KCNH1: variants seen among roughly 807,000 people sequenced by gnomAD.
KCNH1 encodes voltage-gated delayed rectifier potassium channel KCNH1.
In KCNH1, 27 loss-of-function variants were observed where a neutral mutation model predicts 69.2. The ratio of observed to expected loss-of-function variants is 0.39; its 90% CI spans 0.29 to 0.54. The LOEUF (loss-of-function observed/expected upper bound fraction) is 0.54. Among genes scored for constraint, KCNH1 ranks in the 20% least tolerant of loss-of-function variants. The pLI, the probability that KCNH1 is intolerant of heterozygous loss-of-function variation, is 0.68. For synonymous variants in KCNH1, 456 were observed against 487.7 expected, an observed-to-expected ratio of 0.93 and a Z score of 0.86; for missense variants, 798 against 1,261.6, an observed-to-expected ratio of 0.63 and a Z score of 5.57.
chr1:211,020,946 A>T (rs535924625), intron 5 of KCNH1, among the ~76,000 whole-genome samples: 3 of 14,502 alleles, frequency 2.1e-4, no homozygotes, highest in South Asian at 3.1e-3. Context: ...CTTTCATGAT[A>T]AAAAAAACTC....
At chr1:210,904,197 T>C (rs964787107) in intron 7 of KCNH1, among the ~76,000 whole-genome samples, 1 of 152,204 alleles carries the variant, frequency 6.6e-6, no homozygotes, top group African/African-American at 2.4e-5. Flanking sequence ...AACTGGAGGA[T>C]ATTTAAATGA....
chr1:210,861,231 T>C lies in KCNH1; in HGVS notation c.1463-57065A>G, dbSNP rs1037240877. 7 of 979,838 alleles carry C rather than the reference T, an allele frequency of 7.1e-6. No individual in the cohort carries two copies. The African/African-American group carries it at 1.1e-4, about 16-fold the overall frequency. 60.7% of individuals were successfully genotyped at this position (979,838 alleles called of 1,614,324 possible). ...ATCAATGGAAAAATAACATCTTGGA[T>C]AATGCCTTGTATATGGGGCTTCAGA... is the stretch of plus-strand genomic sequence containing the variant. On this transcript the variant is annotated intron_variant, in intron 7 of 10. Transcript: ENST00000271751.
chr1:210,722,606 C>G (rs1451022957), intron 10 of KCNH1, among the ~76,000 whole-genome samples: 2 of 152,108 alleles, frequency 1.3e-5, no homozygotes, highest in Non-Finnish European at 2.9e-5. Flanking sequence ...TTGCTGTTAT[C>G]CCTCATCATA....
At chr1:211,027,436 C>A (rs914732759) in intron 5 of KCNH1, among the ~76,000 whole-genome samples, 2 of 148,564 alleles carry the variant, frequency 1.3e-5, no homozygotes, top group Admixed American at 6.6e-5. Flanking sequence ...GAGACCCCAT[C>A]TCTAGAAAAC....
chr1:211,131,873 C>G lies in KCNH1; in HGVS notation c.79+1994G>C, dbSNP rs544843353. On this transcript the variant is annotated intron_variant, in intron 1 of 10. Transcript: ENST00000271751. ...ATTTGATTGGTTAATTGAAATCAACCTGCTGAAACTGGTGTTGAAATGACA... is the reference window on the plus strand; with the variant it reads ...ATTTGATTGGTTAATTGAAATCAACGTGCTGAAACTGGTGTTGAAATGACA... Among the ~76,000 whole-genome samples the G allele has an allele frequency of 5.9e-5, 9 of 152,208 alleles. No homozygotes were observed. In the South Asian group the frequency reaches 1.9e-3, roughly 32 times the overall value.
chr1:210,988,114 T>A (rs1055867847), intron 6 of KCNH1, among the ~76,000 whole-genome samples: 2 of 152,206 alleles, frequency 1.3e-5, no homozygotes, highest in African/African-American at 4.8e-5. Context: ...GATGTGCCAT[T>A]TGTTAAGCCC....
At chr1:210,862,587 G>C (rs1011708005) in intron 7 of KCNH1, among the ~76,000 whole-genome samples, 1 of 152,146 alleles carries the variant, frequency 6.6e-6, no homozygotes, top group Non-Finnish European at 1.5e-5. Flanking sequence ...TCCTGCATCA[G>C]CCTCCCAAAG....
intron 7 of KCNH1, among the ~76,000 whole-genome samples, chr1:210,868,246 T>G (rs921283277): frequency 2.0e-5 from 3 of 152,084 alleles, no homozygotes; most frequent in Admixed American, 2.0e-4. Context: ...CATTCATGTG[T>G]GCGTGTAAAG....
chr1:211,034,228 A>G (rs988742745), intron 5 of KCNH1, among the ~76,000 whole-genome samples: 2 of 152,180 alleles, frequency 1.3e-5, no homozygotes, highest in African/African-American at 4.8e-5. Flanking sequence ...TTGCTTCTAT[A>G]TATATCATAG....
chr1:210,832,330 C>T (rs1346435472), intron 7 of KCNH1, among the ~76,000 whole-genome samples: 1 of 152,156 alleles, frequency 6.6e-6, no homozygotes, highest in Non-Finnish European at 1.5e-5. Context: ...ATATACTGGG[C>T]ACTCAAGGAA....
chr1:210,950,448 T>C (rs1253761762), intron 6 of KCNH1, among the ~76,000 whole-genome samples: 1 of 142,242 alleles, frequency 7.0e-6, no homozygotes, highest in Non-Finnish European at 1.5e-5. Context: ...AATTCCCACC[T>C]ATGAGTGAGA....
chr1:210,807,633 A>AAATAAT (rs371459135), intron 7 of KCNH1, among the ~76,000 whole-genome samples: 7,027 of 151,270 alleles, frequency 0.046, 541 homozygotes, highest in African/African-American at 0.16. Context: ...ATAAATAAAT[A>AAATAAT]AATAATAATA....
chr1:210,945,119 C>T (rs1398627743), intron 6 of KCNH1, among the ~76,000 whole-genome samples: 2 of 152,172 alleles, frequency 1.3e-5, no homozygotes, highest in Non-Finnish European at 2.9e-5. Flanking sequence ...AAATAATATC[C>T]TATTGTGTGT....
rs1466030351 is a variant in KCNH1 at position 211,080,705 on chromosome 1, C to G, written c.558+2075G>C. 2.0e-5 allele frequency among the ~76,000 whole-genome samples: 3 copies of G among 152,256 alleles called. 1 individual carries two copies. The East Asian group carries it at 5.8e-4, about 29-fold the overall frequency. ...TGATCTTTGACAAACCTGACAAAAA[C>G]AAGAAATGGGGAAAGGATTCTCTAT... On this transcript the variant is annotated intron_variant, in intron 5 of 10. Coordinates refer to ENST00000271751, the MANE Select transcript of KCNH1 (RefSeq NM_172362.3).
At chr1:210,838,543 G>C (rs1685334493) in intron 7 of KCNH1, among the ~76,000 whole-genome samples, 1 of 152,104 alleles carries the variant, frequency 6.6e-6, no homozygotes, top group African/African-American at 2.4e-5. Flanking sequence ...AAAAGCAACT[G>C]CAACAAAAGC....
At chr1:210,690,371 A>G (rs991231540) in intron 10 of KCNH1, among the ~76,000 whole-genome samples, 2 of 152,140 alleles carry the variant, frequency 1.3e-5, no homozygotes, top group African/African-American at 2.4e-5. Flanking sequence ...GCTGGGGTCC[A>G]TGCTGGTGCT....
At chr1:210,761,001 C>T (rs1459335394) in intron 10 of KCNH1, among the ~76,000 whole-genome samples, 6 of 151,874 alleles carry the variant, frequency 4.0e-5, no homozygotes, top group Non-Finnish European at 7.4e-5. Flanking sequence ...GCCTGTAATC[C>T]CAGCACTTTG....
intron 7 of KCNH1, among the ~76,000 whole-genome samples, chr1:210,894,614 T>C (rs1207548122): frequency 1.3e-5 from 2 of 152,178 alleles, no homozygotes; most frequent in African/African-American, 4.8e-5. Flanking sequence ...AGTGCATGTG[T>C]TGAAAACGTA....
chr1:210,717,111 C>T (rs1464014374), intron 10 of KCNH1, among the ~76,000 whole-genome samples: 1 of 152,126 alleles, frequency 6.6e-6, no homozygotes, highest in African/African-American at 2.4e-5. Context: ...CCCAGGAAGC[C>T]TCTGGGGTCA....
Sources: gnomAD v4.1 joint callset for allele counts (sites outside exome capture counted in the v4.1 genomes callset) on GRCh38, gnomAD v4.1.1 for gene constraint, MANE v1.5 for transcripts, NCBI Gene and HGNC (gene_info 2026-07-23, HGNC 2026-07-21) for gene names.